The following CCDC7 variants were observed in gnomAD, a reference collection of about 807,000 sequenced individuals.
CCDC7 encodes coiled-coil domain containing 7, also known as coiled-coil domain-containing protein 7.
CCDC7 carries 183 observed loss-of-function variants against 196.9 expected under a neutral mutation model. That is an observed-to-expected ratio of 0.93 (90% confidence interval 0.82 to 1.05). The LOEUF is 1.05. Ranked by LOEUF, CCDC7 falls within the 50% of genes least tolerant of loss-of-function variation. CCDC7 has a pLI of 0.00. For missense variants in CCDC7, 1,540 were observed against 1,482.2 expected (o/e 1.04, Z -0.64); for synonymous variants, 525 against 484.6 (o/e 1.08, Z -1.10).
rs562115771 is a variant in CCDC7, at chr10:32,716,861, A to G, written c.2569+5131A>G. Among the ~76,000 whole-genome samples, 64 of 152,346 alleles carry G rather than the reference A, an allele frequency of 4.2e-4. No individual in the cohort carries two copies. In the South Asian group the frequency reaches 0.013, roughly 30 times the overall value. On this transcript the variant is annotated intron_variant, in intron 25 of 41. Coordinates refer to ENST00000639629, the Ensembl canonical transcript of CCDC7. ...AAGAAGAGCTAACTATCCTAAATAT[A>G]TATGCTCCCAATACAGGAGCACCCA...
intron 25 of CCDC7, among the ~76,000 whole-genome samples, chr10:32,719,160 C>T (rs2082041002): frequency 6.6e-6 from 1 of 152,168 alleles, no homozygotes; most frequent in African/African-American, 2.4e-5. Context: ...CAGCATGGTA[C>T]TGGTACCAAA....
intron 26 of CCDC7, among the ~76,000 whole-genome samples, chr10:32,727,727 T>G (rs1272045494): frequency 2.0e-5 from 3 of 152,170 alleles, no homozygotes; most frequent in African/African-American, 7.2e-5. Flanking sequence ...GTCAGTCTTT[T>G]TCTACCTCAG....
At chr10:32,609,357 A>C (rs192673998) in intron 18 of CCDC7, among the ~76,000 whole-genome samples, 1 of 152,096 alleles carries the variant, frequency 6.6e-6, no homozygotes, top group Non-Finnish European at 1.5e-5. Flanking sequence ...ATTATTATGT[A>C]ATGATCTTCT....
chr10:32,654,360 T>C (rs947733423), intron 20 of CCDC7, among the ~76,000 whole-genome samples: 6 of 152,236 alleles, frequency 3.9e-5, no homozygotes, highest in African/African-American at 1.4e-4. Context: ...TTTTGTGTAT[T>C]GGCTATTTTC....
chr10:32,680,071 C>T (rs568614570), intron 21 of CCDC7, among the ~76,000 whole-genome samples: 3 of 152,208 alleles, frequency 2.0e-5, no homozygotes, highest in South Asian at 2.1e-4. Context: ...GATCCAAGGC[C>T]CTACACTTAG....
chr10:32,651,124 A>G (rs865885037), intron 20 of CCDC7, among the ~76,000 whole-genome samples: 4 of 152,210 alleles, frequency 2.6e-5, no homozygotes, highest in East Asian at 1.9e-4. Flanking sequence ...CTCTGTCTCC[A>G]TCTAATCTTC....
chr10:32,511,654 A>G, intron 9 of CCDC7: 4 of 1,572,052 alleles, frequency 2.5e-6, no homozygotes, highest in Non-Finnish European at 3.5e-6. Flanking sequence ...TCAGCATCTC[A>G]TCCACAGCAC....
At chr10:32,818,596 C>G (rs893171467) in intron 31 of CCDC7, among the ~76,000 whole-genome samples, 3 of 152,200 alleles carry the variant, frequency 2.0e-5, no homozygotes, top group Non-Finnish European at 4.4e-5. Context: ...AAGTAAAGCA[C>G]TCCTCAGCAA....
At chr10:32,670,215 T>C (rs1297475250) in intron 21 of CCDC7, among the ~76,000 whole-genome samples, 1 of 152,108 alleles carries the variant, frequency 6.6e-6, no homozygotes, top group Non-Finnish European at 1.5e-5. Flanking sequence ...TATGTTTTAA[T>C]AGTCCTTGTC....
chr10:32,701,400 G>A (rs1371870033), intron 24 of CCDC7, among the ~76,000 whole-genome samples: 2 of 152,160 alleles, frequency 1.3e-5, no homozygotes, highest in African/African-American at 2.4e-5. Context: ...TTTCTGATGT[G>A]CTGCTGGATT....
chr10:32,696,474 G>A (rs1322811720), intron 24 of CCDC7, among the ~76,000 whole-genome samples: 1 of 147,738 alleles, frequency 6.8e-6, no homozygotes. Flanking sequence ...TCATAGTCTT[G>A]TTTTCTGTTT....
intron 28 of CCDC7, among the ~76,000 whole-genome samples, chr10:32,774,011 T>C (rs2070722782): frequency 6.6e-6 from 1 of 152,206 alleles, no homozygotes; most frequent in Non-Finnish European, 1.5e-5. Context: ...CCATTGTTCT[T>C]CAATCAATTA....
intron 24 of CCDC7, among the ~76,000 whole-genome samples, chr10:32,707,219 C>T (rs1349764067): frequency 6.6e-5 from 10 of 152,160 alleles, no homozygotes; most frequent in Admixed American, 6.5e-4. Flanking sequence ...AAGTCAAGAA[C>T]CACATGATTG....
At chr10:32,808,400 A>G (rs1484096766) in intron 30 of CCDC7, among the ~76,000 whole-genome samples, 1 of 152,182 alleles carries the variant, frequency 6.6e-6, no homozygotes, top group East Asian at 1.9e-4. Flanking sequence ...CACCACAGGC[A>G]TCTGTGCACT....
At chr10:32,578,554 G>A (rs973314594) in intron 16 of CCDC7, among the ~76,000 whole-genome samples, 3 of 151,496 alleles carry the variant, frequency 2.0e-5, no homozygotes, top group East Asian at 3.9e-4. Flanking sequence ...TAAGGAGCAC[G>A]CAAACTAGAT....
intron 18 of CCDC7, among the ~76,000 whole-genome samples, chr10:32,611,084 G>A (rs1452680681): frequency 6.6e-6 from 1 of 152,314 alleles, no homozygotes; most frequent in East Asian, 1.9e-4. Context: ...TCCAGCATTT[G>A]TTGTTTCCTG....
chr10:32,689,287 A>T (rs954366940), intron 23 of CCDC7, 124 bp downstream of exon 24: 3 of 614,632 alleles, frequency 4.9e-6, no homozygotes, highest in Non-Finnish European at 5.6e-6. Context: ...CCATAATTAA[A>T]GAAAAAAGTG....
intron 5 of CCDC7, among the ~76,000 whole-genome samples, chr10:32,469,652 A>G (rs1160548685): frequency 6.6e-6 from 1 of 152,194 alleles, no homozygotes; most frequent in African/African-American, 2.4e-5. Flanking sequence ...GGATTTTGCT[A>G]CGAAGTTCTG....
chr10:32,671,901 A>G (rs1188762498), intron 21 of CCDC7, among the ~76,000 whole-genome samples: 11 of 152,148 alleles, frequency 7.2e-5, no homozygotes, highest in Admixed American at 6.6e-4. Context: ...AATGTTTGCA[A>G]TTGTGGCAAA....
Sources: allele counts gnomAD v4.1 joint callset (sites outside exome capture counted in the v4.1 genomes callset), GRCh38; gene constraint gnomAD v4.1.1; transcripts MANE v1.5; gene names NCBI Gene and HGNC (gene_info 2026-07-23, HGNC 2026-07-21).